The following NCKAP5 variants were observed in gnomAD, a reference collection of about 807,000 sequenced individuals.
NCKAP5 encodes nck-associated protein 5.
In NCKAP5, 92 loss-of-function variants were observed where a neutral mutation model predicts 167.0. The ratio of observed to expected loss-of-function variants is 0.55; its 90% confidence interval spans 0.47 to 0.66. The LOEUF (loss-of-function observed/expected upper bound fraction) is 0.66, where lower values mean the gene tolerates loss of function less well. Ranked by LOEUF, NCKAP5 falls within the 30% of genes least tolerant of loss-of-function variation. The pLI, the probability that NCKAP5 is intolerant of heterozygous loss-of-function variation, is 0.00. For synonymous variants in NCKAP5, 891 were observed against 877.4 expected, an observed-to-expected ratio of 1.02 and a Z score of -0.27; for missense variants, 2,378 against 2,315.0, an observed-to-expected ratio of 1.03 and a Z score of -0.56.
chr2:133,190,579 C>T lies in NCKAP5; in HGVS notation c.207+23137G>A, dbSNP rs556193854. 5.3e-5 allele frequency among the ~76,000 whole-genome samples: 8 copies of T among 152,194 alleles called. No homozygotes were observed. In the East Asian group the frequency reaches 1.5e-3, roughly 29 times the overall value. On this transcript the variant is annotated intron_variant, in intron 5 of 19. Coordinates refer to ENST00000409261, the MANE Select transcript of NCKAP5 (RefSeq NM_207363.3). ...ACTGGTACCAAAACAGAGATATAGACCAATGGGACACAACAGAGCCCTCAG... is the reference window on the plus strand; with the variant it reads ...ACTGGTACCAAAACAGAGATATAGATCAATGGGACACAACAGAGCCCTCAG...
At chr2:133,224,431 T>C (rs1404869871) in intron 4 of NCKAP5, among the ~76,000 whole-genome samples, 1 of 152,222 alleles carries the variant, frequency 6.6e-6, no homozygotes, top group Non-Finnish European at 1.5e-5. Flanking sequence ...TTCCAGATCT[T>C]GACAAAATAA....
intron 16 of NCKAP5, among the ~76,000 whole-genome samples, chr2:132,749,610 C>T (rs1168685009): frequency 2.6e-5 from 4 of 152,174 alleles, no homozygotes; most frequent in South Asian, 2.1e-4. Context: ...CCCTTTGGCT[C>T]GTCCTACCTG....
At chr2:133,536,108 A>G (rs1362634869) in intron 2 of NCKAP5, among the ~76,000 whole-genome samples, 2 of 151,710 alleles carry the variant, frequency 1.3e-5, no homozygotes, top group African/African-American at 2.4e-5. Flanking sequence ...TCTATTGTTT[A>G]TTTCTTTTGC....
chr2:133,152,995 C>A (rs932673141), intron 5 of NCKAP5, among the ~76,000 whole-genome samples: 1 of 152,098 alleles, frequency 6.6e-6, no homozygotes, highest in African/African-American at 2.4e-5. Flanking sequence ...CAAACAATGA[C>A]AAAATTGCCT....
intron 3 of NCKAP5, among the ~76,000 whole-genome samples, chr2:133,357,180 T>C (rs1273626762): frequency 6.6e-6 from 1 of 152,046 alleles, no homozygotes; most frequent in Non-Finnish European, 1.5e-5. Flanking sequence ...GAATAATAAA[T>C]TAATGCATGC....
chr2:132,901,001 C>G (rs986442431), intron 8 of NCKAP5, among the ~76,000 whole-genome samples: 28 of 147,562 alleles, frequency 1.9e-4, no homozygotes, highest in African/African-American at 6.5e-4. Context: ...AAAAAGAACA[C>G]CAGAACTGGA....
intron 6 of NCKAP5, among the ~76,000 whole-genome samples, chr2:133,107,565 G>A (rs1231369668): frequency 6.6e-6 from 1 of 152,162 alleles, no homozygotes; most frequent in East Asian, 1.9e-4. Context: ...TCTGCATGGA[G>A]TGAAGAAAAT....
intron 4 of NCKAP5, among the ~76,000 whole-genome samples, chr2:133,221,589 G>A (rs2086664644): frequency 2.0e-5 from 3 of 152,206 alleles, no homozygotes; most frequent in Non-Finnish European, 4.4e-5. Context: ...GAGAAAGCAT[G>A]CCTACGCACA....
the NCKAP5 span, among the ~76,000 whole-genome samples, chr2:133,643,003 T>TC: frequency 6.6e-6 from 1 of 152,156 alleles, no homozygotes; most frequent in Non-Finnish European, 1.5e-5. Flanking sequence ...GTTTCATCTT[T>TC]CTTTTTTTTT....
chr2:133,447,269 T>C (rs191266217), intron 3 of NCKAP5, among the ~76,000 whole-genome samples: 47 of 152,310 alleles, frequency 3.1e-4, no homozygotes, highest in Admixed American at 2.7e-3. Flanking sequence ...CATATCTTAC[T>C]GAGCTACATG....
rs572873255 is a variant in NCKAP5 at position 133,121,881 on chromosome 2, C to G, written c.341+8097G>C. The G allele has an allele frequency of 4.6e-5, 7 of 152,280 alleles. No homozygotes were observed. In the East Asian group the frequency reaches 1.4e-3, roughly 29 times the overall value. 9.4% of individuals were successfully genotyped at this position (152,280 alleles called of 1,614,324 possible). On this transcript the variant is annotated intron_variant, in intron 6 of 19. Transcript: ENST00000409261. The stretch of plus-strand genomic sequence containing the variant: ...AACAAATAGTAGTATATCTACATAA[C>G]AGAATACTATTCACGAATAAGAAAA...
chr2:132,830,806 A>G (rs1687467683), intron 11 of NCKAP5, among the ~76,000 whole-genome samples: 1 of 152,250 alleles, frequency 6.6e-6, no homozygotes, highest in Non-Finnish European at 1.5e-5. Context: ...TTAATTTTTA[A>G]AAACTATACA....
At chr2:133,340,314 TCTC>T (rs2150762401) in intron 3 of NCKAP5, among the ~76,000 whole-genome samples, 1 of 152,258 alleles carries the variant, frequency 6.6e-6, no homozygotes, top group African/African-American at 2.4e-5. Context: ...CAGCTCTTCG[TCTC>T]CTCATCTTCA....
intron 3 of NCKAP5, among the ~76,000 whole-genome samples, chr2:133,492,366 G>A (rs1210721584): frequency 6.6e-6 from 1 of 152,216 alleles, no homozygotes; most frequent in Non-Finnish European, 1.5e-5. Context: ...AGTATATGAA[G>A]ACAGTGTTTG....
chr2:133,356,005 G>A (rs1482085496), intron 3 of NCKAP5, among the ~76,000 whole-genome samples: 1 of 151,862 alleles, frequency 6.6e-6, no homozygotes, highest in African/African-American at 2.4e-5. Context: ...ATGTCTCACC[G>A]AAACCTCAGC....
At chr2:133,471,112 T>C (rs551493704) in intron 3 of NCKAP5, among the ~76,000 whole-genome samples, 3 of 152,354 alleles carry the variant, frequency 2.0e-5, no homozygotes, top group South Asian at 4.1e-4. Context: ...AACTCGGGAT[T>C]ACACTTTTTG....
chr2:133,450,125 GCA>G (rs905090770), intron 3 of NCKAP5, among the ~76,000 whole-genome samples: 3 of 143,592 alleles, frequency 2.1e-5, no homozygotes, highest in Admixed American at 1.4e-4. Flanking sequence ...CAACACACAC[GCA>G]CACACACGCG....
At chr2:132,935,730 C>T (rs1008649822) in intron 8 of NCKAP5, among the ~76,000 whole-genome samples, 1 of 152,140 alleles carries the variant, frequency 6.6e-6, no homozygotes, top group Non-Finnish European at 1.5e-5. Context: ...TTGTTACCAT[C>T]ATCTGGGCCA....
chr2:132,869,020 T>G (rs1405099406), intron 9 of NCKAP5, 46 bp from the exon 10 acceptor site: 1 of 1,340,808 alleles, frequency 7.5e-7, no homozygotes, highest in Admixed American at 2.3e-5. Flanking sequence ...AATGAGACTT[T>G]ATATGCACCG....
Sources: gnomAD v4.1 joint callset for allele counts (sites outside exome capture counted in the v4.1 genomes callset) on GRCh38, gnomAD v4.1.1 for gene constraint, MANE v1.5 for transcripts, NCBI Gene and HGNC (gene_info 2026-07-23, HGNC 2026-07-21) for gene names.